RPF1: variants seen among roughly 807,000 people sequenced by gnomAD.
RPF1 encodes ribosome production factor 1.
A neutral mutation model predicts 41.9 loss-of-function variants in RPF1; 34 were observed. The ratio of observed to expected loss-of-function variants is 0.81; its 90% CI spans 0.62 to 1.08. The LOEUF (loss-of-function observed/expected upper bound fraction) is 1.08. Ranked by LOEUF, RPF1 falls within the 50% of genes least tolerant of loss-of-function variation. The pLI, the probability that RPF1 is intolerant of heterozygous loss-of-function variation, is 0.00. For missense variants in RPF1, 425 were observed against 435.2 expected, an observed-to-expected ratio of 0.98 and a Z score of 0.21; for synonymous variants, 140 against 148.9, an observed-to-expected ratio of 0.94 and a Z score of 0.43.
chr1:84,486,517 G>A (rs1229394866), intron 3 of RPF1, among the ~76,000 whole-genome samples: 2 of 151,096 alleles, frequency 1.3e-5, no homozygotes, highest in Non-Finnish European at 2.9e-5. Flanking sequence ...GAACCCGGGA[G>A]GCGGAGCTTG....
chr1:84,493,591 A>G (rs1396335395), intron 5 of RPF1, among the ~76,000 whole-genome samples: 4 of 151,902 alleles, frequency 2.6e-5, no homozygotes, highest in Admixed American at 2.6e-4. Flanking sequence ...CCGTCTCAAA[A>G]AAAAAAAACA....
chr1:84,489,587 T>TAG (rs768835576), intron 3 of RPF1, 46 bp from the exon 4 acceptor site: 1 of 1,045,770 alleles, frequency 9.6e-7, no homozygotes, highest in Non-Finnish European at 1.5e-6. Context: ...TCTGGCCCAG[T>TAG]AGAGTATTTC....
chr1:84,496,720 TCAGCAATTTAGGGGGTGGGACCCAG>T lies in RPF1; in HGVS notation c.1008+358_1008+382del, dbSNP rs375367892. 2.8e-4 allele frequency among the ~76,000 whole-genome samples: 43 copies of T among 152,326 alleles called. No individual in the cohort carries two copies. The East Asian group carries it at 7.7e-3, about 27-fold the overall frequency. On this transcript the variant is annotated intron_variant, in intron 8 of 8. Transcript: ENST00000370654. ...TTCTTTGGCCCACAGACCTACTCGA[TCAGCAATTTAGGGGGTGGGACCCAG>T]CAGCAATCTGCTTATAAGCCTGTGT...
intron 3 of RPF1, among the ~76,000 whole-genome samples, chr1:84,484,683 CTTT>C (rs34645953): frequency 1.4e-5 from 2 of 141,060 alleles, no homozygotes; most frequent in Non-Finnish European, 1.6e-5. Flanking sequence ...GACCAGAAGT[CTTT>C]TTTTTTTTTT....
chr1:84,493,232 C>T (rs1010532931), intron 5 of RPF1, among the ~76,000 whole-genome samples: 1 of 149,784 alleles, frequency 6.7e-6, no homozygotes, highest in Non-Finnish European at 1.5e-5. Context: ...TTAATAAATA[C>T]TTTTGGCTGT....
At chr1:84,484,544 A>AT (rs1395384799) in intron 3 of RPF1, among the ~76,000 whole-genome samples, 1 of 152,136 alleles carries the variant, frequency 6.6e-6, no homozygotes, top group African/African-American at 2.4e-5. Context: ...GATTTTTTGA[A>AT]TAGTATAGAC....
intron 8 of RPF1, 107 bp downstream of exon 8, chr1:84,496,477 C>T (rs1681936686): frequency 1.0e-6 from 1 of 955,374 alleles, no homozygotes; most frequent in Non-Finnish European, 1.6e-6. Context: ...GGCTTAATAC[C>T]TAGGTGATGA....
intron 1 of RPF1, 122 bp from the exon 2 acceptor site, chr1:84,480,834 A>G (rs562555078): frequency 3.6e-6 from 2 of 561,868 alleles, no homozygotes; most frequent in Non-Finnish European, 6.4e-6. Context: ...TGCTTATTTC[A>G]ATAGATTACA....
chr1:84,493,875 T>A (rs1681882952), intron 5 of RPF1, among the ~76,000 whole-genome samples: 1 of 152,178 alleles, frequency 6.6e-6, no homozygotes, highest in Non-Finnish European at 1.5e-5. Context: ...GAAACAGGCT[T>A]GATGTGGGCA....
intron 5 of RPF1, among the ~76,000 whole-genome samples, chr1:84,492,367 A>T (rs1245956964): frequency 6.6e-6 from 1 of 152,172 alleles, no homozygotes; most frequent in African/African-American, 2.4e-5. Context: ...AGTTAAAGGG[A>T]TATACTTTTT....
chr1:84,490,549 A>G, intron 5 of RPF1, 77 bp downstream of exon 5: 1 of 995,282 alleles, frequency 1.0e-6, no homozygotes. Flanking sequence ...AAGAATAAGG[A>G]AATATTGCCT....
intron 2 of RPF1, among the ~76,000 whole-genome samples, chr1:84,481,808 G>A (rs747599722): frequency 1.7e-4 from 26 of 151,976 alleles, no homozygotes; most frequent in Non-Finnish European, 3.5e-4. Context: ...TCATGTCTCC[G>A]CCTCCCATTC....
At chr1:84,492,022 G>A (rs563409075) in intron 5 of RPF1, among the ~76,000 whole-genome samples, 6 of 152,194 alleles carry the variant, frequency 3.9e-5, no homozygotes, top group East Asian at 1.9e-4. Flanking sequence ...TTAGTTGGGC[G>A]TGTTGGTGCA....
chr1:84,488,967 A>G (rs569850157), intron 3 of RPF1, among the ~76,000 whole-genome samples: 5 of 152,118 alleles, frequency 3.3e-5, no homozygotes, highest in East Asian at 3.9e-4. Flanking sequence ...TCTTTTTTAA[A>G]TCAGTTTTTA....
chr1:84,495,466 T>A lies in RPF1; in HGVS notation c.699+11T>A, dbSNP rs763022971. On this transcript the variant is annotated intron_variant, in intron 6 of 8. Transcript: ENST00000370654. The stretch of plus-strand genomic sequence containing the variant: ...CGTAAAGAAATTAAGGTAAGTTTTA[T>A]ACATTTCTTTGATTGGCATTGATCT... 8.5e-7 allele frequency: 1 copy of A among 1,176,824 alleles called. No individual in the cohort carries two copies. The highest frequency in any genetic ancestry group is 1.3e-5 in the South Asian group (1 of 75,964). The allele number at this position is 1,176,824 out of a possible 1,614,324, so 72.9% of individuals were successfully genotyped here. A position where few individuals can be genotyped will look rare whatever the true frequency, so the allele number is the denominator to read the frequency against.
chr1:84,488,488 C>T (rs926889457), intron 3 of RPF1, among the ~76,000 whole-genome samples: 9 of 152,056 alleles, frequency 5.9e-5, no homozygotes, highest in African/African-American at 2.2e-4. Flanking sequence ...ATATCGTTTT[C>T]ATTTTTCTGT....
chr1:84,495,938 A>G lies in RPF1; in HGVS notation c.756A>G (p.Thr252=). ...HIPEIILNNF[T]TRLGHSIGRM... ...CTGAAATAATTCTGAATAATTTTACAACACGGCTGGGTCATTCAATTGGAC... is the reference window on the plus strand; with the variant it reads ...CTGAAATAATTCTGAATAATTTTACGACACGGCTGGGTCATTCAATTGGAC... Residue 252 remains threonine, a synonymous_variant, in exon 7 of 9, where the codon ACA becomes ACG. Transcript: ENST00000370654. 1 of 1,611,274 alleles carries G rather than the reference A, an allele frequency of 6.2e-7. No individual in the cohort carries two copies. Among genetic ancestry groups the G allele is most frequent in the Non-Finnish European group, 8.5e-7 (1 of 1,177,690 alleles).
At chr1:84,485,265 A>ATTTT (rs1438633544) in intron 3 of RPF1, among the ~76,000 whole-genome samples, 2 of 151,842 alleles carry the variant, frequency 1.3e-5, no homozygotes, top group Non-Finnish European at 2.9e-5. Context: ...CACCCAGCTA[A>ATTTT]TTTTTTGTAT....
At chr1:84,482,022 A>G (rs1013988994) in intron 2 of RPF1, among the ~76,000 whole-genome samples, 11 of 152,182 alleles carry the variant, frequency 7.2e-5, no homozygotes, top group African/African-American at 2.2e-4. Context: ...TAATCAGTCT[A>G]TTACAGCAAA....
Sources: gnomAD v4.1 joint callset for allele counts (sites outside exome capture counted in the v4.1 genomes callset) on GRCh38, gnomAD v4.1.1 for gene constraint, MANE v1.5 for transcripts, NCBI Gene and HGNC (gene_info 2026-07-23, HGNC 2026-07-21) for gene names.